The following COL6A6 variants were observed in gnomAD, a reference collection of about 807,000 sequenced individuals.
COL6A6 encodes collagen type VI alpha 6 chain.
COL6A6 carries 183 observed loss-of-function variants against 208.6 expected under a neutral mutation model. The ratio of observed to expected loss-of-function variants is 0.88; its 90% confidence interval spans 0.78 to 0.99. The LOEUF (loss-of-function observed/expected upper bound fraction) is 0.99, where lower values mean the gene tolerates loss of function less well. Ranked by LOEUF, COL6A6 falls within the 50% of genes least tolerant of loss-of-function variation. The pLI, the probability that COL6A6 is intolerant of heterozygous loss-of-function variation, is 0.00. For synonymous variants in COL6A6, 973 were observed against 1,011.8 expected, an observed-to-expected ratio of 0.96 and a Z score of 0.73; for missense variants, 2,816 against 2,815.2, an observed-to-expected ratio of 1.00 and a Z score of -0.01.
intron 8 of COL6A6, among the ~76,000 whole-genome samples, chr3:130,579,120 G>C (rs569273781): frequency 1.3e-5 from 2 of 152,046 alleles, no homozygotes; most frequent in East Asian, 3.8e-4. Flanking sequence ...CCCCTTTAAA[G>C]TATTTTCTCA....
At chr3:130,596,938 A>G (rs1204276344) in intron 18 of COL6A6, among the ~76,000 whole-genome samples, 2 of 152,204 alleles carry the variant, frequency 1.3e-5, no homozygotes, top group African/African-American at 4.8e-5. Flanking sequence ...AAATTTGTGG[A>G]AGATAATGCT....
At chr3:130,563,938 G>T (rs2062956014) in intron 3 of COL6A6, among the ~76,000 whole-genome samples, 1 of 152,132 alleles carries the variant, frequency 6.6e-6, no homozygotes. Flanking sequence ...CCACCCAGCT[G>T]ATCTCTGAGC....
chr3:130,574,626 G>A, intron 8 of COL6A6, 101 bp downstream of exon 8: 1 of 911,008 alleles, frequency 1.1e-6, no homozygotes, highest in Non-Finnish European at 1.7e-6. Context: ...GGAGAATTTA[G>A]ATTTGTGCCT....
Position 130,628,758 on chromosome 3 carries a change from C to G in COL6A6, c.4992+1389C>G, listed in dbSNP as rs1242731997. Reference sequence around the variant, plus strand: ...CGAAGATGGCCGAATAGGAACAGCTCCGGTCTACAGCTCCCTGCGTGAGCG... The same window carrying G: ...CGAAGATGGCCGAATAGGAACAGCTGCGGTCTACAGCTCCCTGCGTGAGCG... On this transcript the variant is annotated intron_variant, in intron 26 of 36. Coordinates refer to ENST00000358511, the MANE Select transcript of COL6A6 (RefSeq NM_001102608.3). 6.6e-5 allele frequency among the ~76,000 whole-genome samples: 8 copies of G among 122,062 alleles called. No individual in the cohort carries two copies. In the South Asian group the frequency reaches 1.9e-3, roughly 30 times the overall value. 80.1% of individuals were successfully genotyped at this position (122,062 alleles called of 152,430 possible).
chr3:130,598,894 T>C (rs796941548), intron 19 of COL6A6, among the ~76,000 whole-genome samples: 6 of 152,346 alleles, frequency 3.9e-5, no homozygotes, highest in African/African-American at 1.4e-4. Flanking sequence ...TAAGTCACAA[T>C]GTGGTCATCA....
intron 1 of COL6A6, among the ~76,000 whole-genome samples, chr3:130,520,134 CA>C (rs1710978874): frequency 6.6e-6 from 1 of 152,128 alleles, no homozygotes; most frequent in Non-Finnish European, 1.5e-5. Flanking sequence ...CCGTGAGGGT[CA>C]AATTATGCCT....
chr3:130,572,459 A>G (rs1279364274), intron 7 of COL6A6, among the ~76,000 whole-genome samples: 1 of 152,252 alleles, frequency 6.6e-6, no homozygotes, highest in African/African-American at 2.4e-5. Context: ...ACATCTAGAT[A>G]TAGTAGTTCT....
intron 26 of COL6A6, among the ~76,000 whole-genome samples, chr3:130,634,345 T>G (rs2065046479): frequency 1.3e-5 from 2 of 151,466 alleles, no homozygotes; most frequent in African/African-American, 4.8e-5. Context: ...GAATTGTAAC[T>G]CTTCAGATGT....
At chr3:130,543,931 T>G (rs1405226894) in intron 1 of COL6A6, among the ~76,000 whole-genome samples, 1 of 152,220 alleles carries the variant, frequency 6.6e-6, no homozygotes, top group Non-Finnish European at 1.5e-5. Flanking sequence ...ATTGTGTATT[T>G]TTAAGATATG....
chr3:130,592,173 A>G (rs114567489), intron 13 of COL6A6, among the ~76,000 whole-genome samples: 1,105 of 110,110 alleles, frequency 0.01, 7 homozygotes, highest in African/African-American at 0.035. Flanking sequence ...CTCAAGCAAC[A>G]TTACAGATGA....
chr3:130,523,981 C>T (rs995405853), intron 1 of COL6A6, among the ~76,000 whole-genome samples: 2 of 152,098 alleles, frequency 1.3e-5, no homozygotes. Flanking sequence ...ATTAGTTATT[C>T]CCCGCTCCTC....
intron 33 of COL6A6, among the ~76,000 whole-genome samples, chr3:130,656,881 G>T (rs1439733165): frequency 6.6e-6 from 1 of 152,256 alleles, no homozygotes; most frequent in African/African-American, 2.4e-5. Context: ...AACAGTGCCT[G>T]GGCTCAGCCT....
intron 24 of COL6A6, among the ~76,000 whole-genome samples, chr3:130,624,042 G>A (rs184558030): frequency 2.8e-4 from 42 of 152,238 alleles, no homozygotes; most frequent in Middle Eastern, 6.8e-3. Flanking sequence ...AGGGAGACAG[G>A]ACTGCAAAGG....
At chr3:130,554,574 C>A (rs558417849) in intron 1 of COL6A6, among the ~76,000 whole-genome samples, 1 of 152,004 alleles carries the variant, frequency 6.6e-6, no homozygotes, top group South Asian at 2.1e-4. Context: ...GCAGTGGCAA[C>A]GGTGGGGCAG....
At chr3:130,586,841 G>A (rs1490126694) in intron 11 of COL6A6, among the ~76,000 whole-genome samples, 181 bp downstream of exon 11, 1 of 152,148 alleles carries the variant, frequency 6.6e-6, no homozygotes, top group Non-Finnish European at 1.5e-5. Context: ...ACAGTAAAGA[G>A]ATGTCAAAGC....
At position 130,560,402 on chromosome 3, in the gene COL6A6, C is replaced by T; in HGVS notation, c.38C>T (p.Ser13Phe). The T allele has an allele frequency of 6.2e-7, 1 of 1,610,528 alleles. No individual in the cohort carries two copies. Among genetic ancestry groups the T allele is most frequent in the African/African-American group, 1.3e-5 (1 of 74,896 alleles). The change falls in exon 2 of 37, where the codon TCC (serine) becomes TTC (phenylalanine). Residue 13 changes from serine (S) to phenylalanine (F), a missense_variant. By Grantham distance (155) the Ser-to-Phe change is radical. Coordinates refer to ENST00000358511, the MANE Select transcript of COL6A6 (RefSeq NM_001102608.3). Reference sequence around the variant, plus strand: ...ATTTTGTTCCTCGTGATAATTTGTTCCCATATTTCTGTGAACCAAGATTCC... The same window carrying T: ...ATTTTGTTCCTCGTGATAATTTGTTTCCATATTTCTGTGAACCAAGATTCC... ...LLILFLVIIC[S>F]HISVNQDSGP...
chr3:130,566,757 C>T lies in COL6A6; in HGVS notation c.1338C>T (p.Ser446=), dbSNP rs1367157419. 4 of 1,613,768 alleles carry T rather than the reference C, an allele frequency of 2.5e-6. No individual in the cohort carries two copies. Among genetic ancestry groups the T allele is most frequent in the Non-Finnish European group, 2.5e-6 (3 of 1,179,864 alleles). Reference sequence around the variant, plus strand: ...ATCTGCTTATCGATGGCTCAGGGAGCACCCAGGCCACAGATTTCCATGAAA... The same window carrying T: ...ATCTGCTTATCGATGGCTCAGGGAGTACCCAGGCCACAGATTTCCATGAAA... ...DIYLLIDGSG[S]TQATDFHEMK... Residue 446 remains serine (S), a synonymous_variant, in exon 5 of 37, where the codon AGC becomes AGT. Transcript: ENST00000358511.
intron 33 of COL6A6, among the ~76,000 whole-genome samples, chr3:130,656,752 T>C (rs770556327): frequency 1.2e-4 from 19 of 152,186 alleles, no homozygotes; most frequent in Non-Finnish European, 2.1e-4. Flanking sequence ...CAAGCTGCCC[T>C]GAGAACCCCC....
intron 23 of COL6A6, among the ~76,000 whole-genome samples, chr3:130,615,862 G>A (rs545733925): frequency 3.3e-5 from 5 of 152,276 alleles, no homozygotes; most frequent in South Asian, 4.1e-4. Flanking sequence ...TGCAGAGCAC[G>A]TCTGTGAATG....
Sources: gnomAD v4.1 joint callset for allele counts (sites outside exome capture counted in the v4.1 genomes callset) on GRCh38, gnomAD v4.1.1 for gene constraint, MANE v1.5 for transcripts, NCBI Gene and HGNC (gene_info 2026-07-23, HGNC 2026-07-21) for gene names.